LY96: variants seen among roughly 807,000 people sequenced by gnomAD.
LY96 encodes the protein myeloid differentiation protein-2.
LY96 carries 18 observed loss-of-function variants against 18.9 expected under a neutral mutation model. The ratio of observed to expected loss-of-function variants is 0.95; its 90% confidence interval spans 0.66 to 1.41. The LOEUF is 1.41. Among genes scored for constraint, LY96 ranks in the 40% most tolerant of loss-of-function variants. The pLI, the probability that LY96 is intolerant of heterozygous loss-of-function variation, is 0.00. For synonymous variants in LY96, 66 were observed against 62.6 expected (o/e 1.06, Z -0.26); for missense variants, 175 against 182.4 (o/e 0.96, Z 0.23).
At chr8:74,003,206 A>G (rs1270173780) in intron 1 of LY96, among the ~76,000 whole-genome samples, 1 of 76,066 alleles carries the variant, frequency 1.3e-5, no homozygotes, top group Non-Finnish European at 3.2e-5. Flanking sequence ...GGGAATCAGG[A>G]GGACGAGAGA....
At chr8:74,069,258 G>A in the LY96 span, among the ~76,000 whole-genome samples, 1 of 152,140 alleles carries the variant, frequency 6.6e-6, no homozygotes. Flanking sequence ...TGTGTCTTTT[G>A]CCTTTCCCAA....
At chr8:73,995,073 T>C (rs1235152094) in intron 1 of LY96, among the ~76,000 whole-genome samples, 1 of 152,222 alleles carries the variant, frequency 6.6e-6, no homozygotes, top group Admixed American at 6.5e-5. Flanking sequence ...AATAAATTAA[T>C]GTCATTATTG....
intron 1 of LY96, among the ~76,000 whole-genome samples, chr8:73,996,377 C>CA (rs1816138242): frequency 1.1e-3 from 33 of 30,222 alleles, no homozygotes; most frequent in East Asian, 1.6e-3. Context: ...TCATTCCTTT[C>CA]TTTCTTTCTT....
chr8:74,076,334 T>C, the LY96 span, among the ~76,000 whole-genome samples: 2 of 151,986 alleles, frequency 1.3e-5, no homozygotes, highest in Non-Finnish European at 2.9e-5. Flanking sequence ...ACACTTTTTT[T>C]TTTTTTGAGA....
At chr8:74,040,512 A>G in the LY96 span, among the ~76,000 whole-genome samples, 1 of 152,326 alleles carries the variant, frequency 6.6e-6, no homozygotes, top group East Asian at 1.9e-4. Context: ...ATTTGTATAC[A>G]TAATGAGAGA....
At chr8:74,068,242 G>C in the LY96 span, among the ~76,000 whole-genome samples, 1 of 151,770 alleles carries the variant, frequency 6.6e-6, no homozygotes, top group Admixed American at 6.6e-5. Flanking sequence ...TATGAATGGA[G>C]TCATATAGAA....
chr8:74,069,243 T>C, the LY96 span, among the ~76,000 whole-genome samples: 1 of 152,224 alleles, frequency 6.6e-6, no homozygotes, highest in Non-Finnish European at 1.5e-5. Context: ...TTTTAAAAAA[T>C]GGTTTGTGTC....
At chr8:74,042,712 G>A in the LY96 span, among the ~76,000 whole-genome samples, 2 of 151,916 alleles carry the variant, frequency 1.3e-5, no homozygotes, top group African/African-American at 4.8e-5. Context: ...CTAGGTTCTA[G>A]TCTTTAGTAG....
the LY96 span, among the ~76,000 whole-genome samples, chr8:74,085,302 G>A: frequency 6.6e-6 from 1 of 152,180 alleles, no homozygotes; most frequent in Non-Finnish European, 1.5e-5. Flanking sequence ...TGGTTTCAAA[G>A]CCAGACATCT....
intron 3 of LY96, among the ~76,000 whole-genome samples, chr8:74,021,927 G>T (rs998111248): frequency 3.9e-5 from 6 of 152,054 alleles, no homozygotes; most frequent in African/African-American, 1.2e-4. Flanking sequence ...GTCATGGGGT[G>T]GGGGGCTGGG....
rs569727114 is a variant in LY96, at chr8:73,991,466, C to T, written c.24C>T (p.Ser8=). ...TCATGTTACCATTTCTGTTTTTTTC[C>T]ACCCTGTTTTCTTCCATATTTACTG... MLPFLFF[S]TLFSSIFTEA... The change falls in exon 1 of 5, where the codon TCC becomes TCT. Residue 8 remains serine, a synonymous_variant. Coordinates refer to ENST00000284818, the MANE Select transcript of LY96 (RefSeq NM_015364.5). 6.2e-7 allele frequency: 1 copy of T among 1,610,158 alleles called. No individual in the cohort carries two copies. Among genetic ancestry groups the T allele is most frequent in the East Asian group, 2.2e-5 (1 of 44,868 alleles).
At chr8:74,026,694 G>A (rs989435870) in intron 3 of LY96, 95 bp from the exon 4 acceptor site, 24 of 720,134 alleles carry the variant, frequency 3.3e-5, no homozygotes, top group South Asian at 1.3e-4. Context: ...TTGGGACTGC[G>A]TCTGTCAGTA....
the LY96 span, among the ~76,000 whole-genome samples, chr8:74,059,044 G>A: frequency 3.3e-5 from 5 of 152,086 alleles, no homozygotes; most frequent in Admixed American, 2.0e-4. Context: ...GGCCTTCCAC[G>A]GATTGAATGA....
chr8:73,998,619 G>A (rs1376174483), intron 1 of LY96, among the ~76,000 whole-genome samples: 1 of 152,094 alleles, frequency 6.6e-6, no homozygotes, highest in Non-Finnish European at 1.5e-5. Flanking sequence ...GGAGTTTGAG[G>A]TTGCCCTGAG....
At chr8:74,000,747 T>C (rs1816244550) in intron 1 of LY96, among the ~76,000 whole-genome samples, 1 of 152,206 alleles carries the variant, frequency 6.6e-6, no homozygotes, top group Non-Finnish European at 1.5e-5. Flanking sequence ...GACTGGGTAA[T>C]TTATAATAAA....
At chr8:74,019,358 A>C (rs1213271620) in intron 3 of LY96, among the ~76,000 whole-genome samples, 3 of 152,234 alleles carry the variant, frequency 2.0e-5, no homozygotes, top group South Asian at 4.1e-4. Context: ...CACCCTCCCA[A>C]GACTAAACCA....
At chr8:74,076,713 G>A in the LY96 span, among the ~76,000 whole-genome samples, 1 of 152,166 alleles carries the variant, frequency 6.6e-6, no homozygotes, top group East Asian at 1.9e-4. Flanking sequence ...TTTCTTGGGG[G>A]CTGAGAAAAC....
intron 2 of LY96, among the ~76,000 whole-genome samples, chr8:74,008,204 A>G (rs552610835): frequency 6.6e-6 from 1 of 152,316 alleles, no homozygotes; most frequent in East Asian, 1.9e-4. Context: ...CACAACTTAA[A>G]CTATTGAGTT....
chr8:74,044,912 C>A, the LY96 span, among the ~76,000 whole-genome samples: 2 of 152,172 alleles, frequency 1.3e-5, no homozygotes, highest in African/African-American at 4.8e-5. Flanking sequence ...AACTTTACTT[C>A]GAAATGGAAA....
Sources: allele counts gnomAD v4.1 joint callset (sites outside exome capture counted in the v4.1 genomes callset), GRCh38; gene constraint gnomAD v4.1.1; transcripts MANE v1.5; gene names NCBI Gene and HGNC (gene_info 2026-07-23, HGNC 2026-07-21).